The following PLEKHA7 variants were observed in gnomAD, a reference collection of about 807,000 sequenced individuals.
PLEKHA7 encodes the protein pleckstrin homology domain-containing family A member 7.
In PLEKHA7, 104 loss-of-function variants were observed where a neutral mutation model predicts 170.0. That is an observed-to-expected ratio of 0.61 (90% CI 0.52 to 0.72). The LOEUF (loss-of-function observed/expected upper bound fraction) is 0.72. Among genes scored for constraint, PLEKHA7 ranks in the 30% least tolerant of loss-of-function variants. The pLI is 0.00. For missense variants in PLEKHA7, 1,615 were observed against 1,671.7 expected (o/e 0.97, Z 0.59); for synonymous variants, 648 against 660.8 (o/e 0.98, Z 0.30).
chr11:16,800,868 G>A, intron 17 of PLEKHA7, 106 bp downstream of exon 17: 1 of 915,294 alleles, frequency 1.1e-6, no homozygotes, highest in Non-Finnish European at 1.7e-6. Context: ...GGGGGAGAAG[G>A]ACTCTGAGCA....
chr11:16,871,007 C>T (rs1854793813), intron 4 of PLEKHA7, 92 bp downstream of exon 4: 3 of 969,804 alleles, frequency 3.1e-6, no homozygotes. Context: ...CCCTCTGTCT[C>T]AGAGAAAACA....
At chr11:16,897,527 G>T (rs532870576) in intron 3 of PLEKHA7, among the ~76,000 whole-genome samples, 4 of 152,212 alleles carry the variant, frequency 2.6e-5, no homozygotes, top group African/African-American at 9.7e-5. Context: ...GGGACTGGTG[G>T]TAAGTGGCAG....
intron 3 of PLEKHA7, among the ~76,000 whole-genome samples, chr11:16,907,667 C>T (rs1359621196): frequency 1.5e-5 from 2 of 132,914 alleles, no homozygotes; most frequent in African/African-American, 5.3e-5. Context: ...GCCCGGCCAG[C>T]CGCCCCGTCC....
intron 3 of PLEKHA7, among the ~76,000 whole-genome samples, chr11:16,907,619 T>C (rs1857914052): frequency 8.0e-6 from 1 of 124,868 alleles, no homozygotes; most frequent in East Asian, 2.3e-4. Flanking sequence ...GGGGCGCCTC[T>C]GCCTGGCCGC....
At chr11:16,814,987 C>T (rs1849642013) in intron 12 of PLEKHA7, among the ~76,000 whole-genome samples, 1 of 152,224 alleles carries the variant, frequency 6.6e-6, no homozygotes, top group Non-Finnish European at 1.5e-5. Flanking sequence ...AGCCCCCCTC[C>T]CCAGTGCCAG....
At chr11:16,948,207 T>A (rs10766360) in intron 3 of PLEKHA7, among the ~76,000 whole-genome samples, 135,739 of 152,204 alleles carry the variant, frequency 0.89, 60,573 homozygotes, top group African/African-American at 0.93. Context: ...TGCTTGAAGG[T>A]TACATAATTT....
chr11:16,929,864 C>T (rs1172718976), intron 3 of PLEKHA7, among the ~76,000 whole-genome samples: 1 of 152,016 alleles, frequency 6.6e-6, no homozygotes, highest in African/African-American at 2.4e-5. Context: ...ATTAGCTGGG[C>T]GTGGTGGCGT....
At chr11:16,786,841 T>G in intron 23 of PLEKHA7, 5 of 985,382 alleles carry the variant, frequency 5.1e-6, no homozygotes, top group Non-Finnish European at 6.0e-6. Context: ...CAAGGATCTT[T>G]CTATTGGGAA....
rs145679835 is a variant in PLEKHA7 at position 17,013,635 on chromosome 11, C to G, written c.221+354G>C. On this transcript the variant is annotated intron_variant, in intron 3 of 26. Transcript: ENST00000531066. ...TCTACTCCTCCCACCCGAGCCCATCCAGGTCCCGGCACTCGCCTCTCCCGG... is the reference window on the plus strand; with the variant it reads ...TCTACTCCTCCCACCCGAGCCCATCGAGGTCCCGGCACTCGCCTCTCCCGG... 1.9e-4 allele frequency among the ~76,000 whole-genome samples: 29 copies of G among 152,380 alleles called. No individual in the cohort carries two copies. The East Asian group carries it at 5.4e-3, about 28-fold the overall frequency.
intron 9 of PLEKHA7, among the ~76,000 whole-genome samples, chr11:16,840,703 C>T (rs1851882914): frequency 6.6e-6 from 1 of 152,116 alleles, no homozygotes; most frequent in African/African-American, 2.4e-5. Context: ...AGAGTAGGGC[C>T]TGACTATACC....
rs2134092060 is a variant in PLEKHA7, at chr11:16,778,808, TC to T, written c.*189del. On this transcript the variant is annotated 3_prime_UTR_variant, in exon 27 of 27. Coordinates refer to ENST00000531066, the MANE Select transcript of PLEKHA7 (RefSeq NM_001329630.2). Reference sequence around the variant, plus strand: ...TTTGCCATTCATATGTAGAGAGGAGTCTGAGCTAAACTAGTGGGTGCATATT... The same window carrying T: ...TTTGCCATTCATATGTAGAGAGGAGTTGAGCTAAACTAGTGGGTGCATATT... 2 of 616,758 alleles carry T rather than the reference TC, an allele frequency of 3.2e-6. No individual in the cohort carries two copies. Among genetic ancestry groups the T allele is most frequent in the East Asian group, 5.5e-5 (2 of 36,422 alleles). The allele number at this position is 616,758 out of a possible 1,614,324, so 38.2% of individuals were successfully genotyped here.
chr11:16,786,849 G>A, intron 23 of PLEKHA7: 3 of 985,386 alleles, frequency 3.0e-6, no homozygotes, highest in South Asian at 4.7e-5. Flanking sequence ...TTTCTATTGG[G>A]AATTTTCAAC....
chr11:16,969,166 C>T (rs147667702), intron 3 of PLEKHA7, among the ~76,000 whole-genome samples: 22 of 152,210 alleles, frequency 1.4e-4, no homozygotes, highest in Non-Finnish European at 2.6e-4. Context: ...CTCCCATCCC[C>T]GCCACTCCCA....
chr11:16,954,238 A>C (rs1861567246), intron 3 of PLEKHA7, among the ~76,000 whole-genome samples: 2 of 152,236 alleles, frequency 1.3e-5, no homozygotes, highest in African/African-American at 4.8e-5. Context: ...AATAATGGCC[A>C]GGCACAGTGG....
Position 16,877,805 on chromosome 11 carries a change from C to T in PLEKHA7, c.222-6623G>A, listed in dbSNP as rs148994269. 7.7e-3 allele frequency among the ~76,000 whole-genome samples: 1,177 copies of T among 152,296 alleles called. 19 individuals are homozygous for T. Among genetic ancestry groups the T allele is most frequent in the African/African-American group, 0.026 (1,083 of 41,550 alleles). On this transcript the variant is annotated intron_variant, in intron 3 of 26. Transcript: ENST00000531066. The stretch of plus-strand genomic sequence containing the variant: ...TGGGTTCAAACCAGATAAGCCACCT[C>T]ACCTCTCTGAGGCTCCATTCTTCCA...
chr11:16,800,902 A>C, intron 17 of PLEKHA7, 72 bp downstream of exon 17: 1 of 1,283,176 alleles, frequency 7.8e-7, no homozygotes, highest in African/African-American at 1.5e-5. Context: ...CCACAGGTGA[A>C]GTCTCTTGGA....
intron 3 of PLEKHA7, among the ~76,000 whole-genome samples, chr11:16,932,814 CA>C (rs1860037852): frequency 6.6e-6 from 1 of 152,136 alleles, no homozygotes; most frequent in Non-Finnish European, 1.5e-5. Context: ...AGCTAAGACC[CA>C]GGGGAAGAGC....
intron 10 of PLEKHA7, among the ~76,000 whole-genome samples, chr11:16,818,270 G>A (rs1487883666): frequency 2.6e-5 from 4 of 152,218 alleles, no homozygotes; most frequent in African/African-American, 9.6e-5. Flanking sequence ...CAGGAGGATA[G>A]TATTACCTGC....
intron 17 of PLEKHA7, among the ~76,000 whole-genome samples, chr11:16,797,854 CT>C (rs1487730873): frequency 2.0e-5 from 3 of 152,156 alleles, no homozygotes; most frequent in Admixed American, 1.3e-4. Flanking sequence ...TCTTGCCCCC[CT>C]GATGCCTTTC....
Sources: allele counts gnomAD v4.1 joint callset (sites outside exome capture counted in the v4.1 genomes callset), GRCh38; gene constraint gnomAD v4.1.1; transcripts MANE v1.5; gene names NCBI Gene and HGNC (gene_info 2026-07-23, HGNC 2026-07-21).